The following ATE1 variants were observed in gnomAD, a reference collection of about 807,000 sequenced individuals.
ATE1 encodes the protein arginyltransferase 1.
In ATE1, 36 loss-of-function variants were observed where a neutral mutation model predicts 70.5. That is an observed-to-expected ratio of 0.51 (90% CI 0.39 to 0.67). ATE1 has a LOEUF of 0.67. Ranked by LOEUF, ATE1 falls within the 30% of genes least tolerant of loss-of-function variation. The pLI, the probability that ATE1 is intolerant of heterozygous loss-of-function variation, is 0.00. For synonymous variants in ATE1, 232 were observed against 219.3 expected (o/e 1.06, Z -0.51); for missense variants, 593 against 629.5 (o/e 0.94, Z 0.62).
At chr10:121,884,507 T>C (rs1454337899) in intron 7 of ATE1, among the ~76,000 whole-genome samples, 13 of 152,080 alleles carry the variant, frequency 8.5e-5, no homozygotes, top group African/African-American at 3.1e-4. Context: ...GAGAGACTGC[T>C]TGAACCCTGG....
chr10:121,744,269 G>A (rs1944258146), intron 11 of ATE1, among the ~76,000 whole-genome samples: 2 of 151,986 alleles, frequency 1.3e-5, no homozygotes, highest in African/African-American at 4.8e-5. Context: ...TAAAAATTAT[G>A]TATTAAGATA....
At chr10:121,863,999 T>C (rs1296575067) in intron 8 of ATE1, among the ~76,000 whole-genome samples, 1 of 152,248 alleles carries the variant, frequency 6.6e-6, no homozygotes, top group Non-Finnish European at 1.5e-5. Flanking sequence ...GTTGATTTTT[T>C]CCTTTTATCT....
intron 11 of ATE1, among the ~76,000 whole-genome samples, chr10:121,770,297 T>C (rs1251013671): frequency 8.8e-6 from 1 of 113,852 alleles, no homozygotes; most frequent in Middle Eastern, 5.6e-3. Context: ...GTATACACAC[T>C]GAGAGACGCA....
intron 10 of ATE1, among the ~76,000 whole-genome samples, chr10:121,817,510 G>C (rs1048837096): frequency 2.7e-5 from 4 of 149,326 alleles, no homozygotes; most frequent in Admixed American, 1.3e-4. Flanking sequence ...CTGCACTCCA[G>C]CCTGGGCGAC....
intron 7 of ATE1, among the ~76,000 whole-genome samples, chr10:121,883,613 C>A (rs952473501): frequency 2.1e-4 from 32 of 152,286 alleles, no homozygotes; most frequent in African/African-American, 7.2e-4. Context: ...GTTTGAGAAG[C>A]TGAGGAAGAA....
intron 8 of ATE1, chr10:121,846,781 T>C (rs1014463585): frequency 1.3e-5 from 2 of 152,262 alleles, no homozygotes; most frequent in Middle Eastern, 3.4e-3. Context: ...TTAAAGTATT[T>C]CCATGAATGA....
intron 10 of ATE1, among the ~76,000 whole-genome samples, chr10:121,808,646 TA>T (rs1947194544): frequency 6.6e-6 from 1 of 152,212 alleles, no homozygotes; most frequent in Non-Finnish European, 1.5e-5. Context: ...TAGAATAATT[TA>T]TAGCAAAAGC....
intron 7 of ATE1, among the ~76,000 whole-genome samples, chr10:121,883,769 C>A (rs1212254201): frequency 6.6e-6 from 1 of 152,008 alleles, no homozygotes; most frequent in Non-Finnish European, 1.5e-5. Flanking sequence ...TTACTGAGGC[C>A]CACTTTAACT....
intron 10 of ATE1, among the ~76,000 whole-genome samples, chr10:121,792,854 A>C (rs1362691284): frequency 6.6e-6 from 1 of 152,172 alleles, no homozygotes; most frequent in Non-Finnish European, 1.5e-5. Context: ...AAAAGGACTA[A>C]ATTTTCTTGA....
Position 121,853,940 on chromosome 10 carries a change from C to T in ATE1, c.976-12677G>A, listed in dbSNP as rs565180907. Among the ~76,000 whole-genome samples the T allele has an allele frequency of 1.2e-4, 18 of 152,224 alleles. 1 individual carries two copies. The highest frequency in any genetic ancestry group is 3.1e-4 in the African/African-American group (13 of 41,522). On this transcript the variant is annotated intron_variant, in intron 8 of 11. Transcript: ENST00000224652. ...CCCTTCAACCACTTTTATAATGGCA[C>T]GTAATCCCATTATTCAGGGCAGAGC...
At chr10:121,868,129 T>G (rs1590567023) in intron 8 of ATE1, among the ~76,000 whole-genome samples, 1 of 152,290 alleles carries the variant, frequency 6.6e-6, no homozygotes, top group African/African-American at 2.4e-5. Context: ...TAAGATATCT[T>G]GATAGGTTAA....
intron 10 of ATE1, among the ~76,000 whole-genome samples, chr10:121,805,777 T>C (rs1261760032): frequency 6.6e-6 from 1 of 152,180 alleles, no homozygotes; most frequent in Admixed American, 6.5e-5. Flanking sequence ...AAAAAGAACC[T>C]ACCACTGGCA....
At chr10:121,926,621 T>C in intron 1 of ATE1, 4 of 685,506 alleles carry the variant, frequency 5.8e-6, no homozygotes, top group Non-Finnish European at 7.2e-6. Flanking sequence ...TATTAAAATA[T>C]TAATTTTAGG....
intron 5 of ATE1, among the ~76,000 whole-genome samples, chr10:121,906,947 T>C (rs1951220363): frequency 6.6e-6 from 1 of 152,000 alleles, no homozygotes; most frequent in African/African-American, 2.4e-5. Flanking sequence ...AGAGATACCT[T>C]AAGTGAAAAA....
At chr10:121,887,263 T>A (rs1950433197) in intron 7 of ATE1, among the ~76,000 whole-genome samples, 1 of 152,180 alleles carries the variant, frequency 6.6e-6, no homozygotes, top group Non-Finnish European at 1.5e-5. Flanking sequence ...CAGAATGGAC[T>A]CATCACGACC....
chr10:121,866,846 CA>C (rs35535465), intron 8 of ATE1, among the ~76,000 whole-genome samples: 34,223 of 102,872 alleles, frequency 0.33, 4,121 homozygotes, highest in East Asian at 0.43. Flanking sequence ...GACTCTGTCT[CA>C]AAAAAAAAAA....
At chr10:121,869,104 C>G (rs920456563) in intron 8 of ATE1, among the ~76,000 whole-genome samples, 2 of 152,214 alleles carry the variant, frequency 1.3e-5, no homozygotes, top group African/African-American at 2.4e-5. Flanking sequence ...AAGAGGAGAA[C>G]ACAAAATAGT....
intron 11 of ATE1, among the ~76,000 whole-genome samples, chr10:121,775,926 T>C (rs1043032335): frequency 6.6e-6 from 1 of 152,226 alleles, no homozygotes; most frequent in Non-Finnish European, 1.5e-5. Context: ...ACAAGAATAC[T>C]CTAATACACC....
At chr10:121,800,096 C>T (rs935408048) in intron 10 of ATE1, among the ~76,000 whole-genome samples, 2 of 151,990 alleles carry the variant, frequency 1.3e-5, no homozygotes, top group South Asian at 2.1e-4. Flanking sequence ...TATAAGAAGA[C>T]GGATGTGAAG....
Sources: gnomAD v4.1 joint callset for allele counts (sites outside exome capture counted in the v4.1 genomes callset) on GRCh38, gnomAD v4.1.1 for gene constraint, MANE v1.5 for transcripts, NCBI Gene and HGNC (gene_info 2026-07-23, HGNC 2026-07-21) for gene names.